Variants in EPHA6 observed in about 807,000 individuals in gnomAD.
EPHA6 encodes EPH receptor A6.
In EPHA6, 50 loss-of-function variants were observed where a neutral mutation model predicts 112.0. The ratio of observed to expected loss-of-function variants is 0.45; its 90% CI spans 0.36 to 0.56. The LOEUF (loss-of-function observed/expected upper bound fraction) is 0.56, where lower values mean the gene tolerates loss of function less well. Ranked by LOEUF, EPHA6 falls within the 20% of genes least tolerant of loss-of-function variation. The pLI, the probability that EPHA6 is intolerant of heterozygous loss-of-function variation, is 0.00. For synonymous variants in EPHA6, 529 were observed against 490.7 expected, an observed-to-expected ratio of 1.08 and a Z score of -1.03; for missense variants, 1,280 against 1,417.4, an observed-to-expected ratio of 0.90 and a Z score of 1.56.
Position 97,164,697 on chromosome 3 carries a change from C to A in EPHA6, c.1115-61567C>A, listed in dbSNP as rs184418407. 9.2e-5 allele frequency among the ~76,000 whole-genome samples: 14 copies of A among 152,098 alleles called. No individual in the cohort carries two copies. The East Asian group carries it at 2.7e-3, about 29-fold the overall frequency. On this transcript the variant is annotated intron_variant, in intron 3 of 17. Coordinates refer to ENST00000389672, the MANE Select transcript of EPHA6 (RefSeq NM_001080448.3). ...CATGGCATATGTGGTTCCCAGTGGGCAAATGATATTTTGGGAGACAGTCTT... is the reference window on the plus strand; with the variant it reads ...CATGGCATATGTGGTTCCCAGTGGGAAAATGATATTTTGGGAGACAGTCTT...
intron 3 of EPHA6, among the ~76,000 whole-genome samples, chr3:97,111,682 T>A (rs2047728522): frequency 6.6e-6 from 1 of 150,820 alleles, no homozygotes; most frequent in African/African-American, 2.5e-5. Context: ...ATCCTTTGGA[T>A]TTTTTTCATT....
At chr3:96,818,103 G>A (rs1286653091) in intron 1 of EPHA6, among the ~76,000 whole-genome samples, 1 of 151,914 alleles carries the variant, frequency 6.6e-6, no homozygotes, top group Non-Finnish European at 1.5e-5. Context: ...TTAATTAAGT[G>A]TTGGAAATTT....
At chr3:96,949,626 T>C (rs1316708729) in intron 2 of EPHA6, among the ~76,000 whole-genome samples, 1 of 152,174 alleles carries the variant, frequency 6.6e-6, no homozygotes, top group Non-Finnish European at 1.5e-5. Context: ...AATAAATGAC[T>C]AATATTAAAA....
rs944487725 is a variant in EPHA6, at chr3:97,749,312, G to GA, written c.*618dup. ...TGAGAAGGGGGTTATTAGGGAGGGA[G>GA]AAAAAAATACTGTGTTTATAAATCT... On this transcript the variant is annotated 3_prime_UTR_variant, in exon 18 of 18. Transcript: ENST00000389672. 1.4e-5 allele frequency: 3 copies of GA among 214,252 alleles called. No individual in the cohort carries two copies. Among genetic ancestry groups the GA allele is most frequent in the Non-Finnish European group, 2.8e-5 (3 of 106,280 alleles). The allele number at this position is 214,252 out of a possible 1,614,324, so 13.3% of individuals were successfully genotyped here.
At chr3:97,316,959 G>A (rs1474716960) in intron 5 of EPHA6, among the ~76,000 whole-genome samples, 2 of 151,746 alleles carry the variant, frequency 1.3e-5, no homozygotes, top group Non-Finnish European at 2.9e-5. Context: ...TCTCTGAAAT[G>A]AAAGATATTA....
chr3:97,334,683 T>C (rs1162956745), intron 5 of EPHA6, among the ~76,000 whole-genome samples: 2 of 152,092 alleles, frequency 1.3e-5, no homozygotes, highest in African/African-American at 4.8e-5. Context: ...ACCTCTTTAA[T>C]AGTTAAATAG....
intron 1 of EPHA6, among the ~76,000 whole-genome samples, chr3:96,834,948 A>G (rs1188383043): frequency 6.6e-6 from 1 of 152,076 alleles, no homozygotes; most frequent in African/African-American, 2.4e-5. Context: ...TGTAATACCC[A>G]ACCTTAATCA....
chr3:97,223,082 A>G (rs2078253777), intron 3 of EPHA6, among the ~76,000 whole-genome samples: 2 of 152,356 alleles, frequency 1.3e-5, no homozygotes, highest in African/African-American at 4.8e-5. Flanking sequence ...AGAGCATGGT[A>G]AAACCATAGA....
At chr3:96,927,137 A>G (rs1265132101) in intron 2 of EPHA6, among the ~76,000 whole-genome samples, 1 of 152,214 alleles carries the variant, frequency 6.6e-6, no homozygotes, top group African/African-American at 2.4e-5. Context: ...GTAAGCCGGC[A>G]AGGCTTGGGG....
chr3:97,425,644 T>G (rs2089052863), intron 6 of EPHA6, among the ~76,000 whole-genome samples: 1 of 152,188 alleles, frequency 6.6e-6, no homozygotes, highest in African/African-American at 2.4e-5. Context: ...ATTTTCCCCA[T>G]TGTCTTGGTG....
intron 4 of EPHA6, among the ~76,000 whole-genome samples, chr3:97,228,407 A>T (rs963724628): frequency 1.3e-5 from 2 of 152,116 alleles, no homozygotes; most frequent in African/African-American, 2.4e-5. Flanking sequence ...ATGTGAGAAC[A>T]TATGATGTTT....
intron 10 of EPHA6, among the ~76,000 whole-genome samples, chr3:97,509,854 G>C (rs916650927): frequency 6.6e-6 from 1 of 152,012 alleles, no homozygotes; most frequent in African/African-American, 2.4e-5. Context: ...TTTTCACATA[G>C]TCTCATATTT....
intron 11 of EPHA6, among the ~76,000 whole-genome samples, chr3:97,539,566 T>G (rs962560917): frequency 6.6e-6 from 1 of 152,204 alleles, no homozygotes. Flanking sequence ...ACCATTCTTC[T>G]TGAATCCTAG....
At chr3:97,508,634 T>C (rs1336513278) in intron 10 of EPHA6, among the ~76,000 whole-genome samples, 1 of 152,156 alleles carries the variant, frequency 6.6e-6, no homozygotes, top group Non-Finnish European at 1.5e-5. Context: ...GTATATTCTG[T>C]TGATTTGGGG....
intron 3 of EPHA6, among the ~76,000 whole-genome samples, chr3:97,059,609 A>G (rs1180206934): frequency 6.6e-6 from 1 of 151,290 alleles, no homozygotes; most frequent in Middle Eastern, 3.2e-3. Flanking sequence ...ATCAGCTCAT[A>G]TTTTCACCCA....
At chr3:97,131,535 T>G (rs1306755206) in intron 3 of EPHA6, among the ~76,000 whole-genome samples, 2 of 152,102 alleles carry the variant, frequency 1.3e-5, no homozygotes, top group Non-Finnish European at 2.9e-5. Context: ...ATCTGTGAAT[T>G]TTTATTGTAT....
At position 97,484,157 on chromosome 3, in the gene EPHA6, T is replaced by A. The variant is rs1009767165; in HGVS notation, c.2200+98T>A. ...CTTAAATCTTGGCAGTTTTGGTCAT[T>A]GAAAAGTTTTAACAAGTGAGAAGTA... is the stretch of plus-strand genomic sequence containing the variant. On this transcript the variant is annotated intron_variant, in intron 10 of 17. Coordinates refer to ENST00000389672, the MANE Select transcript of EPHA6 (RefSeq NM_001080448.3). 45 of 1,208,062 alleles carry A rather than the reference T, an allele frequency of 3.7e-5. No individual in the cohort carries two copies. In the Admixed American group the frequency reaches 5.8e-4, roughly 15 times the overall value. The allele number at this position is 1,208,062 out of a possible 1,614,324, so 74.8% of individuals were successfully genotyped here.
intron 1 of EPHA6, among the ~76,000 whole-genome samples, chr3:96,832,837 G>A (rs1440484282): frequency 3.3e-5 from 5 of 151,802 alleles, no homozygotes; most frequent in African/African-American, 4.8e-5. Flanking sequence ...TTTTCCATGG[G>A]CTACCTTCCC....
intron 12 of EPHA6, among the ~76,000 whole-genome samples, chr3:97,609,923 C>A (rs912074268): frequency 2.0e-4 from 31 of 151,476 alleles, no homozygotes; most frequent in Admixed American, 1.6e-3. Flanking sequence ...ATTTCCCCTG[C>A]ATCTGAAATG....
Sources: allele counts gnomAD v4.1 joint callset (sites outside exome capture counted in the v4.1 genomes callset), GRCh38; gene constraint gnomAD v4.1.1; transcripts MANE v1.5; gene names NCBI Gene and HGNC (gene_info 2026-07-23, HGNC 2026-07-21).